Variants in GRM1 observed in about 807,000 individuals in gnomAD.
The protein encoded by GRM1 is metabotropic glutamate receptor 1.
A neutral mutation model predicts 90.9 loss-of-function variants in GRM1; 33 were observed. The observed-to-expected ratio is 0.36, with a 90% CI of 0.28 to 0.49. The LOEUF (loss-of-function observed/expected upper bound fraction) is 0.49. Ranked by LOEUF, GRM1 falls within the 20% of genes least tolerant of loss-of-function variation. The probability of loss-of-function intolerance (pLI) is 0.99; values close to 1 mark genes in which losing one functional copy is unlikely to be tolerated. For synonymous variants in GRM1, 700 were observed against 613.2 expected, an observed-to-expected ratio of 1.14 and a Z score of -2.09; for missense variants, 1,190 against 1,534.3, an observed-to-expected ratio of 0.78 and a Z score of 3.75.
chr6:146,169,642 T>C (rs1778028531), intron 2 of GRM1, among the ~76,000 whole-genome samples: 1 of 152,194 alleles, frequency 6.6e-6, no homozygotes, highest in Non-Finnish European at 1.5e-5. Context: ...CCTGTTTTCT[T>C]ATTTTTCGCT....
At chr6:146,098,825 T>G (rs1776955628) in intron 1 of GRM1, among the ~76,000 whole-genome samples, 4 of 152,144 alleles carry the variant, frequency 2.6e-5, no homozygotes, top group Admixed American at 2.6e-4. Context: ...TTCTCCTTCC[T>G]GCCATCATGT....
rs145388227 is a variant in GRM1 at position 146,098,308 on chromosome 6, C to A, written c.701-61040C>A. Among the ~76,000 whole-genome samples, 507 of 152,152 alleles carry A rather than the reference C, an allele frequency of 3.3e-3. 5 individuals carry two copies. Among genetic ancestry groups the A allele is most frequent in the African/African-American group, 0.011 (477 of 41,512 alleles). On this transcript the variant is annotated intron_variant, in intron 1 of 7. Transcript: ENST00000282753. The stretch of plus-strand genomic sequence containing the variant: ...ATGCCTTGGTAAGTTGCTTACCCAT[C>A]TCAAAAGGATATTGATAATATTGTT...
intron 2 of GRM1, among the ~76,000 whole-genome samples, chr6:146,170,574 TTTTC>T (rs1778080982): frequency 6.6e-6 from 1 of 152,190 alleles, no homozygotes; most frequent in Non-Finnish European, 1.5e-5. Context: ...AAACTGTTCA[TTTTC>T]TTTATCTTTT....
intron 4 of GRM1, among the ~76,000 whole-genome samples, chr6:146,352,731 C>T (rs920095476): frequency 2.0e-5 from 3 of 152,300 alleles, no homozygotes; most frequent in South Asian, 4.1e-4. Flanking sequence ...CCAGTGCCAT[C>T]CCCTAACTCA....
At chr6:146,143,581 G>A (rs912604225) in intron 1 of GRM1, among the ~76,000 whole-genome samples, 1 of 152,166 alleles carries the variant, frequency 6.6e-6, no homozygotes, top group African/African-American at 2.4e-5. Flanking sequence ...TTCAGTGACT[G>A]CATACCTAAA....
rs1490187527 is a variant in GRM1, at chr6:146,053,395, T to A, written c.700+23178T>A. Among the ~76,000 whole-genome samples, 3 of 152,034 alleles carry A rather than the reference T, an allele frequency of 2.0e-5. No individual in the cohort carries two copies. The East Asian group carries it at 5.8e-4, about 29-fold the overall frequency. On this transcript the variant is annotated intron_variant, in intron 1 of 7. Transcript: ENST00000282753. ...ATTCAATAGAGAGCTTAAAACTGATTTAAATTACTTTATGTAAGGCATATA... is the reference window on the plus strand; with the variant it reads ...ATTCAATAGAGAGCTTAAAACTGATATAAATTACTTTATGTAAGGCATATA...
intron 2 of GRM1, among the ~76,000 whole-genome samples, chr6:146,214,182 G>T (rs1444517835): frequency 1.3e-5 from 2 of 152,034 alleles, no homozygotes; most frequent in Non-Finnish European, 2.9e-5. Flanking sequence ...TCTCATTCTA[G>T]ATATTCCTTA....
chr6:146,262,379 T>A (rs563596496), intron 2 of GRM1, among the ~76,000 whole-genome samples: 1 of 152,064 alleles, frequency 6.6e-6, no homozygotes, highest in East Asian at 1.9e-4. Flanking sequence ...ACCAAAAGTA[T>A]CTTAAGTAAA....
intron 2 of GRM1, among the ~76,000 whole-genome samples, chr6:146,254,586 T>G (rs188221814): frequency 6.6e-6 from 1 of 152,326 alleles, no homozygotes; most frequent in Admixed American, 6.5e-5. Flanking sequence ...TGTATTTCTT[T>G]ATAACCAAGA....
At chr6:146,227,731 C>T (rs1481674327) in intron 2 of GRM1, among the ~76,000 whole-genome samples, 1 of 152,126 alleles carries the variant, frequency 6.6e-6, no homozygotes, top group East Asian at 1.9e-4. Flanking sequence ...CATAGGCAGC[C>T]TCCTTTACAG....
intron 7 of GRM1, among the ~76,000 whole-genome samples, chr6:146,424,956 T>C (rs936645058): frequency 6.6e-6 from 1 of 152,212 alleles, no homozygotes; most frequent in African/African-American, 2.4e-5. Flanking sequence ...TGATTTCGAG[T>C]AGGCATCTTG....
intron 1 of GRM1, among the ~76,000 whole-genome samples, chr6:146,084,139 T>G (rs1048530035): frequency 1.3e-5 from 2 of 152,138 alleles, no homozygotes; most frequent in Non-Finnish European, 2.9e-5. Context: ...TCTTTATTAC[T>G]CTAGCTAGCA....
chr6:146,192,683 G>C (rs1413785728), intron 2 of GRM1, among the ~76,000 whole-genome samples: 2 of 152,104 alleles, frequency 1.3e-5, no homozygotes, highest in Admixed American at 1.3e-4. Flanking sequence ...ACTGTGTTGT[G>C]ACCAATTAGT....
chr6:146,152,479 G>A (rs948340931), intron 1 of GRM1, among the ~76,000 whole-genome samples: 3 of 151,948 alleles, frequency 2.0e-5, no homozygotes, highest in African/African-American at 4.8e-5. Flanking sequence ...CACCTATACT[G>A]TAAGTCCATG....
chr6:146,054,822 A>T (rs909259235), intron 1 of GRM1, among the ~76,000 whole-genome samples: 46 of 152,090 alleles, frequency 3.0e-4, no homozygotes, highest in African/African-American at 1.1e-3. Context: ...ATTTTTCCCC[A>T]GAGGAAAAAA....
intron 2 of GRM1, among the ~76,000 whole-genome samples, chr6:146,257,894 G>A (rs896774460): frequency 2.6e-5 from 4 of 151,246 alleles, no homozygotes; most frequent in Admixed American, 6.6e-5. Context: ...TGTTTAATCC[G>A]AGCACCTCAT....
At chr6:146,082,523 A>T (rs1460910333) in intron 1 of GRM1, among the ~76,000 whole-genome samples, 4 of 152,160 alleles carry the variant, frequency 2.6e-5, no homozygotes, top group Non-Finnish European at 1.5e-5. Flanking sequence ...TCTGTTTTGA[A>T]GTAAGAATCC....
intron 2 of GRM1, among the ~76,000 whole-genome samples, chr6:146,212,186 A>G (rs1779706573): frequency 6.6e-6 from 1 of 152,204 alleles, no homozygotes; most frequent in African/African-American, 2.4e-5. Context: ...TATCAACAAA[A>G]TGCCTTCACA....
At chr6:146,267,956 A>T (rs1781980968) in intron 2 of GRM1, among the ~76,000 whole-genome samples, 1 of 152,126 alleles carries the variant, frequency 6.6e-6, no homozygotes, top group Non-Finnish European at 1.5e-5. Context: ...ACAAGTCAGT[A>T]ATTGGATTGC....
Sources: allele counts gnomAD v4.1 joint callset (sites outside exome capture counted in the v4.1 genomes callset), GRCh38; gene constraint gnomAD v4.1.1; transcripts MANE v1.5; gene names NCBI Gene and HGNC (gene_info 2026-07-23, HGNC 2026-07-21).